The following CSNK2A1 variants were observed in gnomAD, a reference collection of about 807,000 sequenced individuals.
The protein encoded by CSNK2A1 is casein kinase II subunit alpha.
A neutral mutation model predicts 62.9 loss-of-function variants in CSNK2A1; 10 were observed. That is an observed-to-expected ratio of 0.16 (90% CI 0.10 to 0.27). The LOEUF is 0.27. Ranked by LOEUF, CSNK2A1 falls within the 10% of genes least tolerant of loss-of-function variation. The pLI is 1.00. For synonymous variants in CSNK2A1, 124 were observed against 167.8 expected (o/e 0.74, Z 2.02); for missense variants, 160 against 492.0 (o/e 0.33, Z 6.38).
chr20:521,421 C>G (rs1412458718), intron 2 of CSNK2A1, among the ~76,000 whole-genome samples: 1 of 152,118 alleles, frequency 6.6e-6, no homozygotes, highest in Non-Finnish European at 1.5e-5. Context: ...ATACCAAAAG[C>G]TGGTGTGGAT....
intron 1 of CSNK2A1, among the ~76,000 whole-genome samples, chr20:531,092 A>G (rs1395760168): frequency 6.6e-6 from 1 of 152,198 alleles, no homozygotes; most frequent in Non-Finnish European, 1.5e-5. Context: ...CTCAAAAAAC[A>G]AAAGAAAAGG....
At chr20:541,383 C>T (rs1452116407) in intron 1 of CSNK2A1, among the ~76,000 whole-genome samples, 5 of 152,176 alleles carry the variant, frequency 3.3e-5, no homozygotes, top group African/African-American at 1.2e-4. Flanking sequence ...ACTACAAATC[C>T]AAGTCCTATG....
chr20:490,155 C>T (rs2018186851), intron 9 of CSNK2A1, among the ~76,000 whole-genome samples: 3 of 150,102 alleles, frequency 2.0e-5, no homozygotes, highest in South Asian at 2.1e-4. Context: ...CCTCAGCCTC[C>T]TGACTAGCTG....
At chr20:529,388 C>T (rs905157619) in intron 1 of CSNK2A1, among the ~76,000 whole-genome samples, 5 of 152,108 alleles carry the variant, frequency 3.3e-5, no homozygotes, top group Non-Finnish European at 7.4e-5. Context: ...TAGTACCATC[C>T]AGCCCTGGAT....
At position 481,067 on chromosome 20, in the gene CSNK2A1, G is replaced by C. The variant is rs2017947026; in HGVS notation, c.*2894C>G. 6.6e-6 allele frequency: 1 copy of C among 152,172 alleles called. No individual in the cohort carries two copies. The highest frequency in any genetic ancestry group is 6.5e-5 in the Admixed American group (1 of 15,282). 9.4% of individuals were successfully genotyped at this position (152,172 alleles called of 1,614,324 possible). A position where few individuals can be genotyped will look rare whatever the true frequency, so the allele number is the denominator to read the frequency against. Reference sequence around the variant, plus strand: ...AAAACGGAGCCATCTATCACACACGGTGTCGGTTGGAGAAGCATATTGCTC... The same window carrying C: ...AAAACGGAGCCATCTATCACACACGCTGTCGGTTGGAGAAGCATATTGCTC... On this transcript the variant is annotated 3_prime_UTR_variant, in exon 14 of 14. Transcript: ENST00000217244.
In CSNK2A1 at chr20:491,219, C is replaced by T. The variant is rs540088278; in HGVS notation, c.621+1035G>A. 1.6e-4 allele frequency among the ~76,000 whole-genome samples: 24 copies of T among 152,242 alleles called. 1 individual carries two copies. The highest frequency in any genetic ancestry group is 5.8e-4 in the African/African-American group (24 of 41,542). ...CCCAAGAAAACTTCAGATTTTTAAA[C>T]ACTTGGCAAATCTATTATTAATTTG... On this transcript the variant is annotated intron_variant, in intron 9 of 13. Transcript: ENST00000217244.
intron 1 of CSNK2A1, among the ~76,000 whole-genome samples, chr20:538,395 A>G (rs533047103): frequency 6.9e-4 from 105 of 152,178 alleles, no homozygotes; most frequent in Non-Finnish European, 6.8e-4. Context: ...TCTAAACCCA[A>G]AGTCAAACAT....
intron 4 of CSNK2A1, chr20:503,167 AG>A (rs1239060993): frequency 4.7e-5 from 13 of 273,748 alleles, no homozygotes; most frequent in Non-Finnish European, 7.5e-5. Flanking sequence ...TTTTTGAGAC[AG>A]GGTCTCATTC....
At chr20:496,355 T>A (rs1356745506) in intron 7 of CSNK2A1, 2 of 153,648 alleles carry the variant, frequency 1.3e-5, no homozygotes, top group African/African-American at 4.8e-5. Context: ...AAACACTACA[T>A]GGCCCACAAA....
intron 1 of CSNK2A1, among the ~76,000 whole-genome samples, chr20:534,564 G>A (rs973294870): frequency 5.9e-5 from 9 of 152,114 alleles, no homozygotes; most frequent in Non-Finnish European, 1.2e-4. Context: ...TTGGACTCCA[G>A]ATGCAACAAA....
At chr20:487,119 C>A in intron 12 of CSNK2A1, 1 of 332,402 alleles carries the variant, frequency 3.0e-6, no homozygotes, top group Non-Finnish European at 5.5e-6. Flanking sequence ...CGAATGATTA[C>A]TAGGGACAGG....
rs961532161 is a variant in CSNK2A1 at position 479,507 on chromosome 20, C to T, written c.*4454G>A. The T allele has an allele frequency of 2.0e-5, 3 of 152,132 alleles. No homozygotes were observed. The highest frequency in any genetic ancestry group is 4.8e-5 in the African/African-American group (2 of 41,414). The allele number at this position is 152,132 out of a possible 1,614,324, so 9.4% of individuals were successfully genotyped here. Reference sequence around the variant, plus strand: ...AGCTTTCTTTATAATTTGGTACATGCCTAAAATGTTTTACAATAACAATTT... The same window carrying T: ...AGCTTTCTTTATAATTTGGTACATGTCTAAAATGTTTTACAATAACAATTT... On this transcript the variant is annotated 3_prime_UTR_variant, in exon 14 of 14. Transcript: ENST00000217244.
rs1004743739 is a variant in CSNK2A1 at position 505,385 on chromosome 20, A to T, written c.102-156T>A. 7.9e-5 allele frequency: 44 copies of T among 559,710 alleles called. No individual in the cohort carries two copies. The African/African-American group carries it at 9.0e-4, about 11-fold the overall frequency. 34.7% of individuals were successfully genotyped at this position (559,710 alleles called of 1,614,324 possible). On this transcript the variant is annotated intron_variant, in intron 3 of 13. Coordinates refer to ENST00000217244, the MANE Select transcript of CSNK2A1 (RefSeq NM_177559.3). ...TTTTTTTTTTTTTTTTTGGAGATGGAGTCTCACTCTGTCGCCCAGGCTAGA... is the reference window on the plus strand; with the variant it reads ...TTTTTTTTTTTTTTTTTGGAGATGGTGTCTCACTCTGTCGCCCAGGCTAGA...
chr20:511,563 A>G (rs73569093), intron 2 of CSNK2A1, among the ~76,000 whole-genome samples: 11,106 of 152,218 alleles, frequency 0.073, 448 homozygotes, highest in South Asian at 0.13. Flanking sequence ...GGAACCTCAT[A>G]TAAGTGGAAT....
rs559432839 is a variant in CSNK2A1, at chr20:493,837, GGA to G, written c.511-1475_511-1474del. ...ATCATTTTGAGAATGCTACAAAAAT[GGA>G]GTCATTGGCATATAACTTTTTTTGA... On this transcript the variant is annotated intron_variant, in intron 8 of 13. Coordinates refer to ENST00000217244, the MANE Select transcript of CSNK2A1 (RefSeq NM_177559.3). 1.7e-3 allele frequency among the ~76,000 whole-genome samples: 256 copies of G among 152,254 alleles called. 1 individual carries two copies. The highest frequency in any genetic ancestry group is 5.9e-3 in the African/African-American group (247 of 41,534).
At chr20:516,272 C>T (rs2018827078) in intron 2 of CSNK2A1, among the ~76,000 whole-genome samples, 1 of 152,190 alleles carries the variant, frequency 6.6e-6, no homozygotes, top group South Asian at 2.1e-4. Flanking sequence ...CCATTTCAGA[C>T]CACTACATCT....
rs1189625329 is a variant in CSNK2A1 at position 475,109 on chromosome 20, C to T, written c.*8852G>A. 1 of 152,218 alleles carries T rather than the reference C, an allele frequency of 6.6e-6. No homozygotes were observed. The highest frequency in any genetic ancestry group is 1.5e-5 in the Non-Finnish European group (1 of 68,054). 9.4% of individuals were successfully genotyped at this position (152,218 alleles called of 1,614,324 possible). Reference sequence around the variant, plus strand: ...TGTATAGTGGAATGTTGTGTTGTTTCTGGCCATGGAGTCTCAAAGACTGAT... The same window carrying T: ...TGTATAGTGGAATGTTGTGTTGTTTTTGGCCATGGAGTCTCAAAGACTGAT... On this transcript the variant is annotated 3_prime_UTR_variant, in exon 14 of 14. Coordinates refer to ENST00000217244, the MANE Select transcript of CSNK2A1 (RefSeq NM_177559.3).
intron 2 of CSNK2A1, among the ~76,000 whole-genome samples, chr20:511,752 A>G (rs2018726285): frequency 6.6e-6 from 1 of 151,976 alleles, no homozygotes; most frequent in Non-Finnish European, 1.5e-5. Flanking sequence ...TTATCCATTT[A>G]TCTGCTGATG....
At chr20:502,193 T>C (rs564366821) in intron 4 of CSNK2A1, 1 of 152,352 alleles carries the variant, frequency 6.6e-6, no homozygotes, top group African/African-American at 2.4e-5. Context: ...ATGACTTCCA[T>C]GTAGTCCATT....
Sources: allele counts gnomAD v4.1 joint callset (sites outside exome capture counted in the v4.1 genomes callset), GRCh38; gene constraint gnomAD v4.1.1; transcripts MANE v1.5; gene names NCBI Gene and HGNC (gene_info 2026-07-23, HGNC 2026-07-21).